AKAP6: variants seen among roughly 807,000 people sequenced by gnomAD.
AKAP6 encodes the protein A-kinase anchoring protein 6.
AKAP6 carries 58 observed loss-of-function variants against 188.5 expected under a neutral mutation model. That is an observed-to-expected ratio of 0.31 (90% CI 0.25 to 0.38). The LOEUF (loss-of-function observed/expected upper bound fraction) is 0.38, where lower values mean the gene tolerates loss of function less well. Ranked by LOEUF, AKAP6 falls within the 10% of genes least tolerant of loss-of-function variation. AKAP6 has a pLI of 1.00. For missense variants in AKAP6, 2,710 were observed against 2,740.0 expected, an observed-to-expected ratio of 0.99 and a Z score of 0.24; for synonymous variants, 989 against 998.6, an observed-to-expected ratio of 0.99 and a Z score of 0.18.
rs1215267235 is a variant in AKAP6 at position 32,639,402 on chromosome 14, C to T, written c.2730+38610C>T. Among the ~76,000 whole-genome samples the T allele has an allele frequency of 3.3e-5, 5 of 152,078 alleles. No individual in the cohort carries two copies. The South Asian group carries it at 6.2e-4, about 19-fold the overall frequency. Reference sequence around the variant, plus strand: ...AGCTAATGATTAATTGTCTATTTAGCACTATTGGGGTGACAGTAAGTGAAA... The same window carrying T: ...AGCTAATGATTAATTGTCTATTTAGTACTATTGGGGTGACAGTAAGTGAAA... On this transcript the variant is annotated intron_variant, in intron 7 of 13. Transcript: ENST00000280979.
intron 2 of AKAP6, among the ~76,000 whole-genome samples, chr14:32,460,961 C>A (rs1442997045): frequency 6.6e-6 from 1 of 152,210 alleles, no homozygotes; most frequent in Non-Finnish European, 1.5e-5. Context: ...GAGGTCTGGA[C>A]TGGGCGGAAC....
At chr14:32,340,255 C>A (rs907236181) in intron 1 of AKAP6, among the ~76,000 whole-genome samples, 2 of 151,896 alleles carry the variant, frequency 1.3e-5, no homozygotes, top group African/African-American at 4.8e-5. Context: ...ATACTTTCAA[C>A]AACCTTATGC....
chr14:32,366,512 C>T (rs1887840264), intron 1 of AKAP6, among the ~76,000 whole-genome samples: 1 of 152,202 alleles, frequency 6.6e-6, no homozygotes, highest in Non-Finnish European at 1.5e-5. Flanking sequence ...TACTCTCTGA[C>T]TTCAGTCCAA....
At chr14:32,583,731 G>T (rs1465530401) in intron 5 of AKAP6, among the ~76,000 whole-genome samples, 1 of 152,196 alleles carries the variant, frequency 6.6e-6, no homozygotes, top group African/African-American at 2.4e-5. Context: ...ATCTCAGACT[G>T]CTGTGCTAGA....
intron 2 of AKAP6, among the ~76,000 whole-genome samples, chr14:32,475,680 T>TC (rs1879027947): frequency 2.2e-5 from 1 of 45,434 alleles, no homozygotes; most frequent in Non-Finnish European, 3.7e-5. Flanking sequence ...TTTCAGCTCT[T>TC]TTTTTTTTTT....
At chr14:32,576,213 T>C (rs1035450131) in intron 4 of AKAP6, among the ~76,000 whole-genome samples, 1 of 152,154 alleles carries the variant, frequency 6.6e-6, no homozygotes, top group African/African-American at 2.4e-5. Flanking sequence ...TTAAGTTTAA[T>C]AGGGAAACGG....
At chr14:32,615,286 G>A (rs1219363079) in intron 7 of AKAP6, among the ~76,000 whole-genome samples, 1 of 151,740 alleles carries the variant, frequency 6.6e-6, no homozygotes, top group Non-Finnish European at 1.5e-5. Context: ...AATGGAGCTA[G>A]GTCAAGGATA....
chr14:32,773,627 G>T, intron 11 of AKAP6, 51 bp from the exon 12 acceptor site: 2 of 1,509,844 alleles, frequency 1.3e-6, no homozygotes, highest in South Asian at 2.5e-5. Context: ...TCATGTTTTA[G>T]GGAACTCTGC....
In AKAP6 at chr14:32,830,104, T is replaced by C; in HGVS notation, c.*299T>C. ...CCAAGCTACCTCTACCAACCCTCTC[T>C]CTCCAGCTAGACTTTTCTCTTTGCC... On this transcript the variant is annotated 3_prime_UTR_variant, in exon 14 of 14. Coordinates refer to ENST00000280979, the MANE Select transcript of AKAP6 (RefSeq NM_004274.5). The C allele has an allele frequency of 1.6e-6, 1 of 613,860 alleles. No homozygotes were observed. Among genetic ancestry groups the C allele is most frequent in the Non-Finnish European group, 2.9e-6 (1 of 341,320 alleles). 38.0% of individuals were successfully genotyped at this position (613,860 alleles called of 1,614,324 possible).
chr14:32,458,529 A>G lies in AKAP6; in HGVS notation c.324+24712A>G, dbSNP rs1176159628. Among the ~76,000 whole-genome samples the G allele has an allele frequency of 2.0e-5, 3 of 152,182 alleles. No individual in the cohort carries two copies. In the East Asian group the frequency reaches 5.8e-4, roughly 29 times the overall value. The stretch of plus-strand genomic sequence containing the variant: ...AAATGTCGCTGAAAGTATTATTAGT[A>G]GTCACAATAGGAATGAAGAAAATGA... On this transcript the variant is annotated intron_variant, in intron 2 of 13. Transcript: ENST00000280979.
chr14:32,398,852 T>G (rs1594576858), intron 1 of AKAP6, among the ~76,000 whole-genome samples: 1 of 113,664 alleles, frequency 8.8e-6, no homozygotes, highest in Non-Finnish European at 2.1e-5. Context: ...CTGTTTTTTT[T>G]TTTTTTTTTT....
intron 9 of AKAP6, among the ~76,000 whole-genome samples, chr14:32,722,582 C>T (rs1262613574): frequency 2.6e-5 from 4 of 152,148 alleles, no homozygotes; most frequent in Non-Finnish European, 5.9e-5. Flanking sequence ...CCCCAAGCTC[C>T]ACTGGCAGAG....
At chr14:32,656,111 AT>A (rs1888443721) in intron 7 of AKAP6, among the ~76,000 whole-genome samples, 1 of 152,106 alleles carries the variant, frequency 6.6e-6, no homozygotes, top group African/African-American at 2.4e-5. Context: ...ACTAATTTGG[AT>A]TTTTTTAAAT....
chr14:32,672,183 A>G (rs1300741769), intron 7 of AKAP6, among the ~76,000 whole-genome samples: 3 of 152,212 alleles, frequency 2.0e-5, no homozygotes, highest in African/African-American at 4.8e-5. Context: ...ATTAAGTATT[A>G]ATTTGTAGTC....
chr14:32,774,906 C>A (rs2139997325), intron 12 of AKAP6, among the ~76,000 whole-genome samples: 1 of 152,198 alleles, frequency 6.6e-6, no homozygotes, highest in East Asian at 1.9e-4. Context: ...TTTAACGAAG[C>A]CTTAATATCT....
chr14:32,544,880 C>T (rs1046251370), intron 3 of AKAP6, among the ~76,000 whole-genome samples: 1 of 152,060 alleles, frequency 6.6e-6, no homozygotes, highest in African/African-American at 2.4e-5. Context: ...ATTTTGATCC[C>T]AGAAATTGTA....
At position 32,510,461 on chromosome 14, in the gene AKAP6, T is replaced by TATATATATATACACATATATATAC. The variant is rs1309997237; in HGVS notation, c.325-25093_325-25092insATATATATATACACATATATATAC. On this transcript the variant is annotated intron_variant, in intron 2 of 13. Coordinates refer to ENST00000280979, the MANE Select transcript of AKAP6 (RefSeq NM_004274.5). The stretch of plus-strand genomic sequence containing the variant: ...GTGTATATATATATACATATATATG[T>TATATATATATACACATATATATAC]GTATATATATATATACATATATATA... 1.8e-3 allele frequency among the ~76,000 whole-genome samples: 133 copies of TATATATATATACACATATATATAC among 75,942 alleles called. 2 individuals are homozygous for TATATATATATACACATATATATAC. Among genetic ancestry groups the TATATATATATACACATATATATAC allele is most frequent in the African/African-American group, 6.0e-3 (128 of 21,168 alleles). 49.8% of individuals were successfully genotyped at this position (75,942 alleles called of 152,430 possible). A position where few individuals can be genotyped will look rare whatever the true frequency, so the allele number is the denominator to read the frequency against.
intron 1 of AKAP6, among the ~76,000 whole-genome samples, chr14:32,337,721 C>G (rs552638287): frequency 7.3e-6 from 1 of 137,716 alleles, no homozygotes; most frequent in South Asian, 2.7e-4. Flanking sequence ...ATCCTTCCCC[C>G]CTCCCCCCAC....
At chr14:32,406,323 C>A (rs1255528532) in intron 1 of AKAP6, among the ~76,000 whole-genome samples, 1 of 152,154 alleles carries the variant, frequency 6.6e-6, no homozygotes, top group African/African-American at 2.4e-5. Context: ...GATTCTCCTG[C>A]CTCAGCCTCC....
Sources: allele counts gnomAD v4.1 joint callset (sites outside exome capture counted in the v4.1 genomes callset), GRCh38; gene constraint gnomAD v4.1.1; transcripts MANE v1.5; gene names NCBI Gene and HGNC (gene_info 2026-07-23, HGNC 2026-07-21).